The following STK26 variants were observed in gnomAD, a reference collection of about 807,000 sequenced individuals.
The protein encoded by STK26 is serine/threonine kinase 26.
Under a neutral mutation model 34.7 loss-of-function variants are expected in STK26, and 14 were observed. The ratio of observed to expected loss-of-function variants is 0.40; its 90% CI spans 0.27 to 0.63. STK26 has a LOEUF of 0.63. Among genes scored for constraint, STK26 ranks in the 30% least tolerant of loss-of-function variants. STK26 has a pLI of 0.38. For missense variants in STK26, 226 were observed against 309.1 expected (o/e 0.73, Z 2.02); for synonymous variants, 100 against 109.8 (o/e 0.91, Z 0.56).
intron 2 of STK26, among the ~76,000 whole-genome samples, chrX:132,026,361 G>A (rs777661675): frequency 9.8e-4 from 110 of 111,797 alleles, no homozygotes; most frequent in Non-Finnish European, 1.9e-3. Context: ...TTGTGGTAAC[G>A]AACATTTTTT....
rs754792173 is a variant in STK26, at chrX:132,071,241, T to C, written c.932+24T>C. 1.4e-5 allele frequency: 17 copies of C among 1,192,407 alleles called. 1 individual carries two copies. The Admixed American group carries it at 3.4e-4, about 24-fold the overall frequency. On this transcript the variant is annotated intron_variant, in intron 8 of 11. Transcript: ENST00000394334. ...TCGTATGTACAAATTATTTAATTTT[T>C]ATGTAGGCAGCCTATTTAAATATTG... is the stretch of plus-strand genomic sequence containing the variant.
In STK26 at chrX:132,068,380, GT is replaced by G. The variant is rs758094084; in HGVS notation, c.440-23del. 1.5e-5 allele frequency: 18 copies of G among 1,189,455 alleles called. No individual in the cohort carries two copies. The South Asian group carries it at 1.7e-4, about 11-fold the overall frequency. On this transcript the variant is annotated intron_variant, in intron 5 of 11. Coordinates refer to ENST00000394334, the MANE Select transcript of STK26 (RefSeq NM_016542.4). ...AATAGAAGCATTCTGAGCAAGCTGA[GT>G]TTTTTTTTGCTTTTCTTTTTTTCCT...
At chrX:132,036,892 T>G (rs910567758) in intron 2 of STK26, among the ~76,000 whole-genome samples, 2 of 112,133 alleles carry the variant, frequency 1.8e-5, no homozygotes, top group African/African-American at 6.5e-5. Context: ...GAGTTTTTAA[T>G]AAACTATACT....
rs1445579288 is a variant in STK26, at chrX:132,054,807, C to T, written c.219C>T (p.Val73=). Reference sequence around the variant, plus strand: ...AAGACATTCAGCAAGAAATAACTGTCTTGAGTCAATGTGACAGCTCATATG... The same window carrying T: ...AAGACATTCAGCAAGAAATAACTGTTTTGAGTCAATGTGACAGCTCATATG... ...EIEDIQQEIT[V]LSQCDSSYVT... Residue 73 remains valine (V), a synonymous_variant, in exon 3 of 12, where the codon GTC becomes GTT. Coordinates refer to ENST00000394334, the MANE Select transcript of STK26 (RefSeq NM_016542.4). 1 of 1,209,872 alleles carries T rather than the reference C, an allele frequency of 8.3e-7. No individual in the cohort carries two copies. Among genetic ancestry groups the T allele is most frequent in the African/African-American group, 1.7e-5 (1 of 57,263 alleles).
chrX:132,067,870 A>G (rs1927272932), intron 4 of STK26, among the ~76,000 whole-genome samples: 1 of 111,516 alleles, frequency 9.0e-6, no homozygotes, highest in South Asian at 3.7e-4. Context: ...TTTTCCATCT[A>G]AAGAACAGAT....
At chrX:132,042,063 G>A (rs1194585379) in intron 2 of STK26, among the ~76,000 whole-genome samples, 3 of 111,313 alleles carry the variant, frequency 2.7e-5, no homozygotes, top group African/African-American at 6.5e-5. Context: ...TTTCAGCAAT[G>A]TCAGCACAGA....
intron 2 of STK26, among the ~76,000 whole-genome samples, chrX:132,052,032 A>C (rs1926710155): frequency 9.0e-6 from 1 of 110,504 alleles, no homozygotes; most frequent in South Asian, 3.8e-4. Flanking sequence ...GTATTCTTAA[A>C]AGAATATTTG....
In STK26 at chrX:132,023,674, G is replaced by A. The variant is rs1242966065; in HGVS notation, c.42+15G>A. 6.0e-6 allele frequency: 7 copies of A among 1,172,191 alleles called. No individual in the cohort carries two copies. Among genetic ancestry groups the A allele is most frequent in the Non-Finnish European group, 8.0e-6 (7 of 876,463 alleles). On this transcript the variant is annotated intron_variant, in intron 2 of 11. Transcript: ENST00000394334. ...CTGGGATGCAGGTGAGGAAGCGCAG[G>A]CCGCCCCCGCCGCCCACGTGACTGC...
chrX:132,051,060 A>C (rs1045199696), intron 2 of STK26, among the ~76,000 whole-genome samples: 2 of 111,629 alleles, frequency 1.8e-5, no homozygotes, highest in Admixed American at 1.9e-4. Context: ...AGGATTGGAG[A>C]GCACCTAGAG....
chrX:132,074,696 C>A lies in STK26; in HGVS notation c.*537C>A, dbSNP rs893940189. On this transcript the variant is annotated 3_prime_UTR_variant, in exon 12 of 12. Coordinates refer to ENST00000394334, the MANE Select transcript of STK26 (RefSeq NM_016542.4). ...CCTGTAAAAGTATTGACTCTTCTAC[C>A]AAGTTGGTATGATATTCCAGGCAGC... is the stretch of plus-strand genomic sequence containing the variant. 2.7e-5 allele frequency: 3 copies of A among 110,612 alleles called. No homozygotes were observed. The highest frequency in any genetic ancestry group is 9.9e-5 in the African/African-American group (3 of 30,454). 9.1% of individuals were successfully genotyped at this position (110,612 alleles called of 1,213,427 possible).
intron 2 of STK26, among the ~76,000 whole-genome samples, chrX:132,044,339 C>A (rs1218019473): frequency 1.8e-5 from 2 of 110,824 alleles, no homozygotes; most frequent in Non-Finnish European, 3.8e-5. Flanking sequence ...GAAGATGAAG[C>A]AATGGATTGG....
In STK26 at chrX:132,072,359, G is replaced by A. The variant is rs753756225; in HGVS notation, c.1024G>A (p.Ala342Thr). 2 of 1,186,554 alleles carry A rather than the reference G, an allele frequency of 1.7e-6. No homozygotes were observed. The highest frequency in any genetic ancestry group is 3.5e-5 in the African/African-American group (2 of 56,488). ...KPDPKKVQNGAEQDLVQTLSC... is the reference protein window; with the variant it reads ...KPDPKKVQNGTEQDLVQTLSC... ...TGATCCAAAGAAAGTACAGAATGGGGCAGTATGTATATGGAGACAATTACT... is the reference window on the plus strand; with the variant it reads ...TGATCCAAAGAAAGTACAGAATGGGACAGTATGTATATGGAGACAATTACT... Residue 342 changes from alanine (A) to threonine (T), a missense_variant and splice_region_variant, in exon 9 of 12, where the codon GCA (alanine) becomes ACA (threonine). By Grantham distance (58) the Ala-to-Thr change is moderately conservative. This residue lies in a region of STK26 where 126 missense variants were observed against 132.4 expected (regional missense o/e 0.95). Transcript: ENST00000394334.
At chrX:132,058,257 T>TGC (rs1926927569) in intron 3 of STK26, among the ~76,000 whole-genome samples, 1 of 106,330 alleles carries the variant, frequency 9.4e-6, no homozygotes, top group Non-Finnish European at 1.9e-5. Flanking sequence ...TGTGTGTATG[T>TGC]GTGTGTGTGT....
chrX:132,050,615 A>G (rs1383755732), intron 2 of STK26, among the ~76,000 whole-genome samples: 1 of 112,285 alleles, frequency 8.9e-6, no homozygotes, highest in Non-Finnish European at 1.9e-5. Flanking sequence ...GAACCTATAC[A>G]GTTAAAACCC....
At position 132,074,935 on chromosome X, in the gene STK26, T is replaced by TA. The variant is rs1236965468; in HGVS notation, c.*777dup. 1.8e-5 allele frequency: 2 copies of TA among 111,971 alleles called. No individual in the cohort carries two copies. Among genetic ancestry groups the TA allele is most frequent in the Non-Finnish European group, 3.8e-5 (2 of 53,001 alleles). 9.2% of individuals were successfully genotyped at this position (111,971 alleles called of 1,213,427 possible). ...AAGGAGTTAGTCTGGCTTCATGTTT[T>TA]ACATCTTCAACTAAAATCCCATACT... On this transcript the variant is annotated 3_prime_UTR_variant, in exon 12 of 12. Transcript: ENST00000394334.
In STK26 at chrX:132,075,124, A is replaced by C. The variant is rs2124200864; in HGVS notation, c.*965A>C. On this transcript the variant is annotated 3_prime_UTR_variant, in exon 12 of 12. Transcript: ENST00000394334. ...TTGTTCTTCATAATTATCACTAATAAGCATCAGTTTGTTGTTTTTAAAAGG... is the reference window on the plus strand; with the variant it reads ...TTGTTCTTCATAATTATCACTAATACGCATCAGTTTGTTGTTTTTAAAAGG... The C allele has an allele frequency of 8.9e-6, 1 of 112,100 alleles. No homozygotes were observed. Among genetic ancestry groups the C allele is most frequent in the African/African-American group, 3.2e-5 (1 of 30,946 alleles). The allele number at this position is 112,100 out of a possible 1,213,427, so 9.2% of individuals were successfully genotyped here.
intron 6 of STK26, 98 bp downstream of exon 6, chrX:132,068,667 C>T (rs1333139583): frequency 1.1e-6 from 1 of 905,091 alleles, no homozygotes; most frequent in African/African-American, 2.0e-5. Flanking sequence ...CCTTGTTTCA[C>T]AAGTGTTTCT....
At chrX:132,061,487 T>A (rs1315864703) in intron 3 of STK26, among the ~76,000 whole-genome samples, 1 of 111,981 alleles carries the variant, frequency 8.9e-6, no homozygotes, top group Non-Finnish European at 1.9e-5. Context: ...TAACCAAGAC[T>A]CTCAGCTTTC....
intron 3 of STK26, 44 bp from the exon 4 acceptor site, chrX:132,063,389 T>A (rs1569334936): frequency 9.0e-7 from 1 of 1,106,344 alleles, no homozygotes; most frequent in East Asian, 3.0e-5. Context: ...GTATGTTATT[T>A]TGGCTCAGGT....
Sources: allele counts gnomAD v4.1 joint callset (sites outside exome capture counted in the v4.1 genomes callset), GRCh38; gene constraint gnomAD v4.1.1; regional missense constraint gnomAD v4.1.1; transcripts MANE v1.5; gene names NCBI Gene and HGNC (gene_info 2026-07-23, HGNC 2026-07-21).